MEP1A: variants seen among roughly 807,000 people sequenced by gnomAD.
The protein encoded by MEP1A is meprin A subunit alpha.
A neutral mutation model predicts 84.5 loss-of-function variants in MEP1A; 68 were observed. The ratio of observed to expected loss-of-function variants is 0.80; its 90% CI spans 0.66 to 0.98. The LOEUF (loss-of-function observed/expected upper bound fraction) is 0.98, where lower values mean the gene tolerates loss of function less well. Among genes scored for constraint, MEP1A ranks in the 50% least tolerant of loss-of-function variants. The probability of loss-of-function intolerance (pLI) is 0.00; values close to 1 mark genes in which losing one functional copy is unlikely to be tolerated. For synonymous variants in MEP1A, 337 were observed against 336.8 expected (o/e 1.00, Z -0.01); for missense variants, 887 against 919.9 (o/e 0.96, Z 0.46).
At chr6:46,801,775 T>C (rs1767201222) in intron 5 of MEP1A, among the ~76,000 whole-genome samples, 1 of 152,210 alleles carries the variant, frequency 6.6e-6, no homozygotes, top group East Asian at 1.9e-4. Flanking sequence ...ACTAATTTTG[T>C]GTACAACAGG....
intron 3 of MEP1A, among the ~76,000 whole-genome samples, chr6:46,796,068 A>G (rs567337178): frequency 6.6e-6 from 1 of 152,256 alleles, no homozygotes; most frequent in South Asian, 2.1e-4. Flanking sequence ...CCCTGACTGC[A>G]CAGCTACTCC....
rs1768121734 is a variant in MEP1A, at chr6:46,833,363, C to A, written c.1434C>A (p.Ser478Arg). 2.5e-6 allele frequency: 4 copies of A among 1,614,110 alleles called. No individual in the cohort carries two copies. The highest frequency in any genetic ancestry group is 3.4e-6 in the Non-Finnish European group (4 of 1,180,052). Residue 478 changes from serine (S) to arginine (R), a missense_variant, in exon 11 of 14, where the codon AGC (serine) becomes AGA (arginine). Physicochemically the swap from Ser to Arg is moderately radical, Grantham distance 110. Coordinates refer to ENST00000230588, the MANE Select transcript of MEP1A (RefSeq NM_005588.3). Reference sequence around the variant, plus strand: ...CTTTATACCCAAATAGCAGAGAAAGCTCTGGTTACTTGAGACTTGCTTTTC... The same window carrying A: ...CTTTATACCCAAATAGCAGAGAAAGATCTGGTTACTTGAGACTTGCTTTTC... ...GVTLYPNSRESSGYLRLAFHV... is the reference protein window; with the variant it reads ...GVTLYPNSRERSGYLRLAFHV...
At chr6:46,819,136 C>T (rs1767707661) in intron 6 of MEP1A, among the ~76,000 whole-genome samples, 1 of 152,084 alleles carries the variant, frequency 6.6e-6, no homozygotes, top group Non-Finnish European at 1.5e-5. Flanking sequence ...ATTAAATCAA[C>T]CACAGCTTTC....
intron 7 of MEP1A, among the ~76,000 whole-genome samples, chr6:46,820,972 AT>A (rs1767759067): frequency 6.6e-6 from 1 of 152,096 alleles, no homozygotes; most frequent in African/African-American, 2.4e-5. Context: ...TTTTATTTAG[AT>A]CCCAATTTTA....
At chr6:46,801,666 T>C (rs1018754952) in intron 5 of MEP1A, among the ~76,000 whole-genome samples, 6 of 152,140 alleles carry the variant, frequency 3.9e-5, no homozygotes, top group Non-Finnish European at 8.8e-5. Context: ...TTTGTGTTTT[T>C]ATATTCTAAG....
intron 8 of MEP1A, among the ~76,000 whole-genome samples, chr6:46,825,929 G>A (rs80167505): frequency 0.011 from 1,655 of 152,238 alleles, 36 homozygotes; most frequent in African/African-American, 0.038. Context: ...CTTTACTTAC[G>A]TTAGTTATTC....
intron 13 of MEP1A, among the ~76,000 whole-genome samples, chr6:46,836,725 T>C (rs760136580): frequency 6.6e-6 from 1 of 152,188 alleles, no homozygotes; most frequent in Non-Finnish European, 1.5e-5. Context: ...CCCCTCCAAT[T>C]TGGGACAATT....
At chr6:46,824,798 T>TTTAA (rs1562113487) in intron 7 of MEP1A, among the ~76,000 whole-genome samples, 2,387 of 89,248 alleles carry the variant, frequency 0.027, 110 homozygotes, top group Admixed American at 0.036. Context: ...TATTTAAATA[T>TTTAA]ATATAAATGA....
chr6:46,823,044 T>G (rs1767819581), intron 7 of MEP1A, among the ~76,000 whole-genome samples: 1 of 152,186 alleles, frequency 6.6e-6, no homozygotes, highest in South Asian at 2.1e-4. Flanking sequence ...CATTGTTTCT[T>G]TTAGACTTGT....
chr6:46,800,396 T>A (rs1767172909), intron 5 of MEP1A, among the ~76,000 whole-genome samples: 3 of 152,202 alleles, frequency 2.0e-5, no homozygotes, highest in Admixed American at 1.3e-4. Context: ...GTGTGTGAGA[T>A]GTTGCATGTC....
downstream of MEP1A, among the ~76,000 whole-genome samples, chr6:46,840,217 A>G (rs1768308402): frequency 6.6e-6 from 1 of 152,334 alleles, no homozygotes; most frequent in East Asian, 1.9e-4. Context: ...AGAGATTAAC[A>G]AGAGTTTCTT....
chr6:46,825,666 T>A (rs554210369), intron 8 of MEP1A, among the ~76,000 whole-genome samples, 173 bp downstream of exon 8: 2 of 136,924 alleles, frequency 1.5e-5, no homozygotes, highest in South Asian at 2.4e-4. Flanking sequence ...GTTTAAGTAT[T>A]GTCTATGGCT....
At chr6:46,810,765 T>A (rs986905715) in intron 6 of MEP1A, among the ~76,000 whole-genome samples, 2 of 152,152 alleles carry the variant, frequency 1.3e-5, no homozygotes, top group African/African-American at 4.8e-5. Context: ...TTGTTGAAGA[T>A]CAGTTGGCTG....
intron 5 of MEP1A, among the ~76,000 whole-genome samples, chr6:46,806,074 A>T (rs1361235867): frequency 1.3e-5 from 2 of 151,920 alleles, no homozygotes; most frequent in Non-Finnish European, 2.9e-5. Context: ...TATAATTCCC[A>T]TTTGTCTGCT....
At chr6:46,830,678 T>C (rs1331186130) in intron 10 of MEP1A, among the ~76,000 whole-genome samples, 1 of 152,204 alleles carries the variant, frequency 6.6e-6, no homozygotes, top group Non-Finnish European at 1.5e-5. Context: ...AGGAATTATT[T>C]TTTATATATC....
chr6:46,810,429 C>T lies in MEP1A; in HGVS notation c.380+892C>T, dbSNP rs533673697. Among the ~76,000 whole-genome samples, 33 of 152,244 alleles carry T rather than the reference C, an allele frequency of 2.2e-4. 1 individual carries two copies. The South Asian group carries it at 6.8e-3, about 32-fold the overall frequency. On this transcript the variant is annotated intron_variant, in intron 6 of 13. Coordinates refer to ENST00000230588, the MANE Select transcript of MEP1A (RefSeq NM_005588.3). Reference sequence around the variant, plus strand: ...CCACTCTGTGGGTTGTCTGTTAACTCTGCTGATTATTTCTTTTGCCATGCA... The same window carrying T: ...CCACTCTGTGGGTTGTCTGTTAACTTTGCTGATTATTTCTTTTGCCATGCA...
intron 7 of MEP1A, among the ~76,000 whole-genome samples, chr6:46,824,969 A>G (rs1238068834): frequency 8.5e-5 from 11 of 129,086 alleles, no homozygotes; most frequent in Non-Finnish European, 9.5e-5. Context: ...ATCTATTTAA[A>G]TATATATAAA....
chr6:46,808,417 A>G (rs1311303541), intron 5 of MEP1A, among the ~76,000 whole-genome samples: 2 of 152,100 alleles, frequency 1.3e-5, no homozygotes, highest in Non-Finnish European at 2.9e-5. Flanking sequence ...AGGCCAGAAA[A>G]TGTGATGTAA....
At chr6:46,817,821 C>T (rs1053860058) in intron 6 of MEP1A, among the ~76,000 whole-genome samples, 7 of 152,182 alleles carry the variant, frequency 4.6e-5, no homozygotes, top group African/African-American at 1.4e-4. Context: ...AACCTAATCA[C>T]CTATGGCCAG....
Sources: allele counts gnomAD v4.1 joint callset (sites outside exome capture counted in the v4.1 genomes callset), GRCh38; gene constraint gnomAD v4.1.1; transcripts MANE v1.5; gene names NCBI Gene and HGNC (gene_info 2026-07-23, HGNC 2026-07-21).